COBL: variants seen among roughly 807,000 people sequenced by gnomAD.
COBL encodes protein cordon-bleu.
A neutral mutation model predicts 98.8 loss-of-function variants in COBL; 51 were observed. That is an observed-to-expected ratio of 0.52 (90% CI 0.41 to 0.65). The LOEUF is 0.65. COBL is among the 30% of genes least tolerant of loss of function. The pLI is 0.00. For missense variants in COBL, 1,617 were observed against 1,617.5 expected (o/e 1.00, Z 0.01); for synonymous variants, 634 against 651.7 (o/e 0.97, Z 0.41).
At chr7:51,097,438 A>T (rs990157737) in intron 6 of COBL, among the ~76,000 whole-genome samples, 1 of 152,188 alleles carries the variant, frequency 6.6e-6, no homozygotes, top group Admixed American at 6.5e-5. Flanking sequence ...TAGTGTTGGG[A>T]GTCCTAGCCA....
At chr7:51,206,999 G>C (rs1168893194) in intron 2 of COBL, among the ~76,000 whole-genome samples, 1 of 152,184 alleles carries the variant, frequency 6.6e-6, no homozygotes, top group East Asian at 1.9e-4. Flanking sequence ...TGTGCTAAGA[G>C]AGTCAACCTT....
chr7:51,161,539 T>C (rs994141221), intron 5 of COBL, among the ~76,000 whole-genome samples: 6 of 152,220 alleles, frequency 3.9e-5, no homozygotes, highest in African/African-American at 1.4e-4. Flanking sequence ...GCTCCGTCCA[T>C]CTGTGAAACA....
intron 5 of COBL, among the ~76,000 whole-genome samples, chr7:51,166,333 C>A (rs1443589589): frequency 6.6e-6 from 1 of 151,656 alleles, no homozygotes; most frequent in Non-Finnish European, 1.5e-5. Context: ...CAACAATATG[C>A]CAATAAATTG....
At chr7:51,035,286 C>T (rs1024919837) in intron 8 of COBL, 8 of 151,730 alleles carry the variant, frequency 5.3e-5, no homozygotes, top group African/African-American at 1.7e-4. Context: ...CTGACCAATC[C>T]GAAATGTACA....
intron 12 of COBL, among the ~76,000 whole-genome samples, chr7:51,018,891 C>CAAAA (rs11433270): frequency 0.016 from 106 of 6,784 alleles, 8 homozygotes; most frequent in East Asian, 0.026. Flanking sequence ...AACTCCATCT[C>CAAAA]AAAAAAAAAA....
At chr7:51,142,035 T>C (rs1053398841) in intron 5 of COBL, among the ~76,000 whole-genome samples, 6 of 152,170 alleles carry the variant, frequency 3.9e-5, no homozygotes, top group Non-Finnish European at 7.3e-5. Context: ...TCTGGCATCC[T>C]GGAAATCCTG....
intron 7 of COBL, chr7:51,083,244 A>G (rs1369517635): frequency 9.0e-6 from 13 of 1,441,320 alleles, no homozygotes; most frequent in Non-Finnish European, 1.0e-5. Flanking sequence ...TGGAATCAAC[A>G]GGGAGTTACT....
Position 51,226,645 on chromosome 7 carries a change from AG to A in COBL, c.42-6702del, listed in dbSNP as rs1165176604. Among the ~76,000 whole-genome samples, 5 of 152,176 alleles carry A rather than the reference AG, an allele frequency of 3.3e-5. No individual in the cohort carries two copies. The East Asian group carries it at 9.6e-4, about 29-fold the overall frequency. On this transcript the variant is annotated intron_variant, in intron 1 of 12. Transcript: ENST00000265136. ...CCCAGTTTTCTCAGCAATAATAAAA[AG>A]TCAGAAAGATGTCCAGAAACAAATG...
intron 7 of COBL, among the ~76,000 whole-genome samples, chr7:51,063,138 CTTTT>C (rs68014446): frequency 2.8e-5 from 4 of 144,180 alleles, no homozygotes; most frequent in Non-Finnish European, 3.0e-5. Flanking sequence ...TTTTCTCTCT[CTTTT>C]TTTTTTTTTT....
rs145665623 is a variant in COBL, at chr7:51,172,973, G to C, written c.783+11129C>G. 5.9e-3 allele frequency among the ~76,000 whole-genome samples: 898 copies of C among 151,826 alleles called. 3 individuals carry two copies. Among genetic ancestry groups the C allele is most frequent in the Non-Finnish European group, 0.01 (703 of 67,950 alleles). On this transcript the variant is annotated intron_variant, in intron 5 of 12. Transcript: ENST00000265136. ...CCAGCTAATTTTTGTATTTTTAGTA[G>C]AGACAGGGTTTCACCATGTTGGCCA... is the stretch of plus-strand genomic sequence containing the variant.
At chr7:51,279,089 A>G (rs1799578708) in intron 1 of COBL, among the ~76,000 whole-genome samples, 1 of 152,232 alleles carries the variant, frequency 6.6e-6, no homozygotes. Context: ...GACAGTGAAT[A>G]ATCCTATGGC....
chr7:51,115,030 G>GT (rs1485968923), intron 6 of COBL, among the ~76,000 whole-genome samples: 9 of 152,208 alleles, frequency 5.9e-5, no homozygotes, highest in African/African-American at 2.2e-4. Flanking sequence ...GTGTCAAATG[G>GT]TAAGTTGCAT....
chr7:51,290,215 C>G (rs1459053003), intron 1 of COBL, among the ~76,000 whole-genome samples: 1 of 152,172 alleles, frequency 6.6e-6, no homozygotes, highest in Non-Finnish European at 1.5e-5. Context: ...ATAGAATGGG[C>G]AAGTCACAAT....
chr7:51,257,324 T>C (rs1323716573), intron 1 of COBL, among the ~76,000 whole-genome samples: 2 of 152,182 alleles, frequency 1.3e-5, no homozygotes, highest in Non-Finnish European at 2.9e-5. Context: ...CTCCACTCAG[T>C]AGAAGTCATT....
chr7:51,128,863 A>C (rs963124190), intron 6 of COBL, among the ~76,000 whole-genome samples: 1 of 152,198 alleles, frequency 6.6e-6, no homozygotes, highest in African/African-American at 2.4e-5. Flanking sequence ...GCAAACTGCA[A>C]ATGGGCCTGC....
At chr7:51,100,034 A>G (rs1583791150) in intron 6 of COBL, among the ~76,000 whole-genome samples, 2 of 152,108 alleles carry the variant, frequency 1.3e-5, no homozygotes, top group African/African-American at 4.8e-5. Context: ...CCTTGCCACC[A>G]CCTCCACTGT....
intron 1 of COBL, among the ~76,000 whole-genome samples, chr7:51,308,588 A>C (rs115278618): frequency 0.012 from 1,799 of 152,322 alleles, 37 homozygotes; most frequent in African/African-American, 0.041. Context: ...CACGCAGAGC[A>C]CTTAGCAGAG....
chr7:51,099,005 A>G (rs1472791163), intron 6 of COBL, among the ~76,000 whole-genome samples: 2 of 152,150 alleles, frequency 1.3e-5, no homozygotes, highest in African/African-American at 4.8e-5. Flanking sequence ...GCATATGAAA[A>G]GATGCTCAAC....
chr7:51,172,608 G>GA, intron 5 of COBL: 1 of 1,071,998 alleles, frequency 9.3e-7, no homozygotes, highest in Non-Finnish European at 1.2e-6. Context: ...GATCATTAAG[G>GA]CAAAAATGCC....
Sources: gnomAD v4.1 joint callset for allele counts (sites outside exome capture counted in the v4.1 genomes callset) on GRCh38, gnomAD v4.1.1 for gene constraint, MANE v1.5 for transcripts, NCBI Gene and HGNC (gene_info 2026-07-23, HGNC 2026-07-21) for gene names.